Variants in CHST12 observed in about 807,000 individuals in gnomAD.
The protein encoded by CHST12 is carbohydrate sulfotransferase 12, also known as carbohydrate (chondroitin 4) sulfotransferase 12.
Under a neutral mutation model 27.9 loss-of-function variants are expected in CHST12, and 23 were observed. The ratio of observed to expected loss-of-function variants is 0.82; its 90% CI spans 0.59 to 1.17. CHST12 has a LOEUF of 1.17. CHST12 is among the 50% of genes most tolerant of loss of function. The pLI, the probability that CHST12 is intolerant of heterozygous loss-of-function variation, is 0.00. For missense variants in CHST12, 682 were observed against 603.0 expected (o/e 1.13, Z -1.37); for synonymous variants, 322 against 273.0 (o/e 1.18, Z -1.77).
At chr7:2,404,216 G>C (rs528052125) in intron 1 of CHST12, 1 of 152,586 alleles carries the variant, frequency 6.6e-6, no homozygotes, top group South Asian at 2.1e-4. Flanking sequence ...GGTCGCTCAG[G>C]GTATCCCTTA....
At position 2,433,756 on chromosome 7, in the gene CHST12, G is replaced by C. The variant is rs1294580001; in HGVS notation, c.1117G>C (p.Ala373Pro). The C allele has an allele frequency of 6.2e-7, 1 of 1,613,858 alleles. No homozygotes were observed. Among genetic ancestry groups the C allele is most frequent in the Non-Finnish European group, 8.5e-7 (1 of 1,180,034 alleles). Residue 373 changes from alanine (A) to proline (P), a missense_variant, in exon 2 of 2, where the codon GCC (alanine) becomes CCC (proline). By Grantham distance (27) the Ala-to-Pro change is conservative (BLOSUM62 -1). Coordinates refer to ENST00000618655, the MANE Select transcript of CHST12 (RefSeq NM_018641.5). This position sits in a 1 kb window ranked among gnomAD's most constrained non-coding sequence, Gnocchi z 6.1. ...CCCCCCGAGCTACCGGAACAGGACC[G>C]CCAGCAGCTGGGAGGAGGACTGGTT... The part of the protein sequence containing the change: ...RFPPSYRNRT[A>P]SSWEEDWFAK...
intron 1 of CHST12, among the ~76,000 whole-genome samples, chr7:2,418,773 C>T (rs577881557): frequency 6.7e-6 from 1 of 149,506 alleles, no homozygotes; most frequent in South Asian, 2.1e-4. Flanking sequence ...CTTGTATGTC[C>T]AAGCTGTTGT....
At chr7:2,422,568 G>T (rs1023712818) in intron 1 of CHST12, among the ~76,000 whole-genome samples, 1 of 141,662 alleles carries the variant, frequency 7.1e-6, no homozygotes, top group Middle Eastern at 5.3e-3. Flanking sequence ...ATGGAGTCTT[G>T]TTCCGTCACC....
At chr7:2,413,614 G>A (rs979211238) in intron 1 of CHST12, among the ~76,000 whole-genome samples, 8 of 151,576 alleles carry the variant, frequency 5.3e-5, no homozygotes, top group Admixed American at 3.3e-4. Context: ...AGTCTTTTAC[G>A]TCTGGCTCCT....
chr7:2,427,338 A>C (rs1235079838), intron 1 of CHST12, among the ~76,000 whole-genome samples: 2 of 152,114 alleles, frequency 1.3e-5, no homozygotes, highest in East Asian at 3.9e-4. Context: ...AACTCTATAA[A>C]AAATTTTTAA....
chr7:2,426,438 C>T (rs943155531), intron 1 of CHST12, among the ~76,000 whole-genome samples: 2 of 152,170 alleles, frequency 1.3e-5, no homozygotes, highest in Non-Finnish European at 2.9e-5. Flanking sequence ...AATAAGCACA[C>T]AGTTGCTGAT....
chr7:2,422,622 G>T (rs982745285), intron 1 of CHST12, among the ~76,000 whole-genome samples: 1 of 151,474 alleles, frequency 6.6e-6, no homozygotes, highest in Non-Finnish European at 1.5e-5. Context: ...TGCAAACTGC[G>T]ACTCCCGGGT....
intron 1 of CHST12, among the ~76,000 whole-genome samples, chr7:2,407,003 G>A (rs1781543559): frequency 6.6e-6 from 1 of 151,354 alleles, no homozygotes; most frequent in Non-Finnish European, 1.5e-5. Context: ...ACCAAAAGGA[G>A]TATTCGAATA....
chr7:2,426,009 G>A lies in CHST12; in HGVS notation c.-77-6554G>A, dbSNP rs894492712. Among the ~76,000 whole-genome samples the A allele has an allele frequency of 2.0e-5, 3 of 152,050 alleles. 1 individual carries two copies. The highest frequency in any genetic ancestry group is 4.4e-5 in the Non-Finnish European group (3 of 68,026). On this transcript the variant is annotated intron_variant, in intron 1 of 1. Coordinates refer to ENST00000618655, the MANE Select transcript of CHST12 (RefSeq NM_018641.5). Reference sequence around the variant, plus strand: ...CTGGAGGGAGAGACAGGCTGGGGACGACGGGGCTCGCTAGATCAGCAGGGG... The same window carrying A: ...CTGGAGGGAGAGACAGGCTGGGGACAACGGGGCTCGCTAGATCAGCAGGGG...
chr7:2,405,390 G>A (rs1781496429), intron 1 of CHST12, among the ~76,000 whole-genome samples: 2 of 152,178 alleles, frequency 1.3e-5, no homozygotes, highest in South Asian at 4.1e-4. Flanking sequence ...GTTGCAGTGA[G>A]CCGACACTGG....
chr7:2,413,205 T>C (rs2115394260), intron 1 of CHST12, among the ~76,000 whole-genome samples: 1 of 152,376 alleles, frequency 6.6e-6, no homozygotes, highest in East Asian at 1.9e-4. Context: ...TTGGTCTCAG[T>C]ATCCCTTCCC....
intron 1 of CHST12, among the ~76,000 whole-genome samples, chr7:2,417,878 T>C (rs1258753505): frequency 6.6e-6 from 1 of 152,268 alleles, no homozygotes; most frequent in African/African-American, 2.4e-5. Flanking sequence ...AGTTGACACA[T>C]AAAATTAGCC....
At chr7:2,420,064 C>G (rs1028185860) in intron 1 of CHST12, among the ~76,000 whole-genome samples, 1 of 148,416 alleles carries the variant, frequency 6.7e-6, no homozygotes, top group Non-Finnish European at 1.5e-5. Context: ...AGCTCTGCCT[C>G]CCGGGTTCAT....
In CHST12 at chr7:2,433,227, C is replaced by CCG. The variant is rs1334958657; in HGVS notation, c.591_592dup (p.Asp198AlafsTer18). 6.2e-7 allele frequency: 1 copy of CCG among 1,612,162 alleles called. No individual in the cohort carries two copies. Among genetic ancestry groups the CCG allele is most frequent in the Non-Finnish European group, 8.5e-7 (1 of 1,179,196 alleles). On this transcript the variant is annotated frameshift_variant, in exon 2 of 2. Coordinates refer to ENST00000618655, the MANE Select transcript of CHST12 (RefSeq NM_018641.5). LOFTEE classifies it high-confidence loss of function. The surrounding 1 kb of genome is among the most constrained non-coding windows in gnomAD (Gnocchi z 6.1). ...GCCTGCTGCACCGCGGTGCGCCCTA[C>CCG]CGCGACCCGCTGCGCATCCCGCGCG...
rs1257486674 is a variant in CHST12 at position 2,441,701 on chromosome 7, A to AG, written c.*7817_*7818insG. ...GAGCAAGATCTTGTCTTAAAAAAAA[A>AG]AAAAAAAAAAAAGGTGTTGTATTTT... On this transcript the variant is annotated 3_prime_UTR_variant, in exon 2 of 2. Transcript: ENST00000618655. 3.9e-5 allele frequency: 6 copies of AG among 151,902 alleles called. No individual in the cohort carries two copies. Among genetic ancestry groups the AG allele is most frequent in the Non-Finnish European group, 2.9e-5 (2 of 67,996 alleles). The allele number at this position is 151,902 out of a possible 1,614,324, so 9.4% of individuals were successfully genotyped here.
rs1184731343 is a variant in CHST12 at position 2,437,481 on chromosome 7, G to C, written c.*3597G>C. 6.6e-6 allele frequency: 1 copy of C among 152,198 alleles called. No individual in the cohort carries two copies. Among genetic ancestry groups the C allele is most frequent in the Non-Finnish European group, 1.5e-5 (1 of 68,044 alleles). The allele number at this position is 152,198 out of a possible 1,614,324, so 9.4% of individuals were successfully genotyped here. On this transcript the variant is annotated 3_prime_UTR_variant, in exon 2 of 2. Transcript: ENST00000618655. ...TAAAGCATCTCATGCTTCTTCATTC[G>C]CTGATACTTACAACCCCCAGTGGAT...
intron 1 of CHST12, among the ~76,000 whole-genome samples, chr7:2,429,255 C>T (rs1782210600): frequency 6.6e-6 from 1 of 152,152 alleles, no homozygotes; most frequent in Non-Finnish European, 1.5e-5. Context: ...GGGGGTCTCC[C>T]TACAAGACAG....
At chr7:2,432,537 T>G in intron 1 of CHST12, 26 bp from the exon 2 acceptor site, 2 of 1,306,868 alleles carry the variant, frequency 1.5e-6, no homozygotes, top group Non-Finnish European at 2.1e-6. Context: ...CCTCAGTCAT[T>G]AACTAGTGTG....
rs531071199 is a variant in CHST12 at position 2,442,099 on chromosome 7, C to G, written c.*8215C>G. The G allele has an allele frequency of 3.9e-5, 6 of 152,296 alleles. No homozygotes were observed. The highest frequency in any genetic ancestry group is 1.4e-4 in the African/African-American group (6 of 41,548). The allele number at this position is 152,296 out of a possible 1,614,324, so 9.4% of individuals were successfully genotyped here. On this transcript the variant is annotated 3_prime_UTR_variant, in exon 2 of 2. Coordinates refer to ENST00000618655, the MANE Select transcript of CHST12 (RefSeq NM_018641.5). ...GCACCAACCATTCTACTTCCTGTCT[C>G]TGAGTTTGACTAGGGACCTCCTGTA...
Sources: gnomAD v4.1 joint callset for allele counts (sites outside exome capture counted in the v4.1 genomes callset) on GRCh38, gnomAD v4.1.1 for gene constraint, Gnocchi (gnomAD v3.1) non-coding constraint, MANE v1.5 for transcripts, NCBI Gene and HGNC (gene_info 2026-07-23, HGNC 2026-07-21) for gene names.